TBC1D19: variants seen among roughly 807,000 people sequenced by gnomAD.
The protein encoded by TBC1D19 is TBC1 domain family, member 19.
A neutral mutation model predicts 89.0 loss-of-function variants in TBC1D19; 60 were observed. The observed-to-expected ratio is 0.67, with a 90% CI of 0.55 to 0.84. TBC1D19 has a LOEUF of 0.84. Among genes scored for constraint, TBC1D19 ranks in the 40% least tolerant of loss-of-function variants. The probability of loss-of-function intolerance (pLI) is 0.00; values close to 1 mark genes in which losing one functional copy is unlikely to be tolerated. For synonymous variants in TBC1D19, 189 were observed against 199.7 expected (o/e 0.95, Z 0.45); for missense variants, 500 against 610.8 (o/e 0.82, Z 1.91).
chr4:26,612,341 A>C (rs187328720), intron 1 of TBC1D19, among the ~76,000 whole-genome samples: 4 of 151,938 alleles, frequency 2.6e-5, no homozygotes, highest in Admixed American at 2.6e-4. Flanking sequence ...ATTGAGAATA[A>C]ATTTGAAGTT....
chr4:26,788,703 C>T, the TBC1D19 span, among the ~76,000 whole-genome samples: 3 of 152,144 alleles, frequency 2.0e-5, no homozygotes, highest in African/African-American at 7.2e-5. Context: ...CAAGAAGGAC[C>T]ACTTTGAAAA....
At chr4:26,577,282 C>T (rs909769961) in intron 1 of TBC1D19, among the ~76,000 whole-genome samples, 1 of 149,436 alleles carries the variant, frequency 6.7e-6, no homozygotes, top group Admixed American at 6.7e-5. Context: ...TCTTCTCTCT[C>T]GTGTGTGTGT....
At chr4:26,721,257 A>C (rs1452814562) in intron 15 of TBC1D19, among the ~76,000 whole-genome samples, 1 of 151,816 alleles carries the variant, frequency 6.6e-6, no homozygotes, top group African/African-American at 2.4e-5. Flanking sequence ...TCTTATGCCC[A>C]CCCCCAAAAG....
chr4:26,717,059 A>T (rs1716673266), intron 13 of TBC1D19, among the ~76,000 whole-genome samples: 1 of 152,092 alleles, frequency 6.6e-6, no homozygotes, highest in Non-Finnish European at 1.5e-5. Flanking sequence ...AGTGAACCTG[A>T]CTGATTCCCA....
intron 9 of TBC1D19, among the ~76,000 whole-genome samples, chr4:26,670,007 C>T (rs1250328390): frequency 6.6e-6 from 1 of 151,592 alleles, no homozygotes; most frequent in African/African-American, 2.4e-5. Flanking sequence ...TGAAAACTGT[C>T]TCCAGTGCCT....
chr4:26,857,679 G>T, the TBC1D19 span: 10 of 152,218 alleles, frequency 6.6e-5, no homozygotes, highest in African/African-American at 2.2e-4. Flanking sequence ...GCAGGAGGCA[G>T]CGGGCATGCG....
chr4:26,836,696 G>A, the TBC1D19 span, among the ~76,000 whole-genome samples: 9 of 152,234 alleles, frequency 5.9e-5, no homozygotes, highest in African/African-American at 2.2e-4. Flanking sequence ...AGCAGGGGTT[G>A]CAGGGAGGAG....
At chr4:26,839,014 T>G in the TBC1D19 span, among the ~76,000 whole-genome samples, 2 of 152,222 alleles carry the variant, frequency 1.3e-5, no homozygotes, top group African/African-American at 4.8e-5. Context: ...ATCATTTATT[T>G]TAAGATTCGT....
rs543389820 is a variant in TBC1D19, at chr4:26,677,644, C to G, written c.816+3756C>G. On this transcript the variant is annotated intron_variant, in intron 11 of 20. Transcript: ENST00000264866. ...GGTTTGGCTGTGTCCCCACCCAAATCTTGAATTGTACTTATAATTCCCATG... is the reference window on the plus strand; with the variant it reads ...GGTTTGGCTGTGTCCCCACCCAAATGTTGAATTGTACTTATAATTCCCATG... Among the ~76,000 whole-genome samples, 4 of 152,286 alleles carry G rather than the reference C, an allele frequency of 2.6e-5. No individual in the cohort carries two copies. The East Asian group carries it at 5.8e-4, about 22-fold the overall frequency.
the TBC1D19 span, among the ~76,000 whole-genome samples, chr4:26,840,798 C>T: frequency 3.3e-5 from 5 of 152,172 alleles, no homozygotes; most frequent in African/African-American, 7.2e-5. Context: ...GAGTGAAATA[C>T]GATGGGATAA....
intron 7 of TBC1D19, among the ~76,000 whole-genome samples, chr4:26,651,216 TGC>T: frequency 6.6e-6 from 1 of 152,210 alleles, no homozygotes; most frequent in Admixed American, 6.5e-5. Context: ...TTTGGTTCCA[TGC>T]AAACTTTATG....
At position 26,742,618 on chromosome 4, in the gene TBC1D19, T is replaced by A; in HGVS notation, c.1319+19T>A. ...CTCAACCGTGAGTACTTTTCTCTCC[T>A]AATTGAAGAATAGATAGTTTCACAG... On this transcript the variant is annotated intron_variant, in intron 18 of 20. Transcript: ENST00000264866. 1 of 1,593,438 alleles carries A rather than the reference T, an allele frequency of 6.3e-7. No individual in the cohort carries two copies. Among genetic ancestry groups the A allele is most frequent in the South Asian group, 1.1e-5 (1 of 89,266 alleles).
At chr4:26,788,918 A>G in the TBC1D19 span, among the ~76,000 whole-genome samples, 3 of 152,202 alleles carry the variant, frequency 2.0e-5, no homozygotes, top group Non-Finnish European at 2.9e-5. Flanking sequence ...TTGGCTGAAC[A>G]TTTCAGGGGA....
the TBC1D19 span, among the ~76,000 whole-genome samples, chr4:26,849,220 ACACAC>A: frequency 2.5e-3 from 376 of 152,080 alleles, no homozygotes; most frequent in Middle Eastern, 6.8e-3. Flanking sequence ...ACACACACAC[ACACAC>A]ACACACGGGC....
chr4:26,679,488 A>G (rs907471915), intron 11 of TBC1D19, among the ~76,000 whole-genome samples: 1 of 152,222 alleles, frequency 6.6e-6, no homozygotes, highest in African/African-American at 2.4e-5. Context: ...TCCAGGCAGA[A>G]GTGTGCTGCA....
Position 26,599,611 on chromosome 4 carries a change from C to T in TBC1D19, c.100-13558C>T, listed in dbSNP as rs1040576420. Among the ~76,000 whole-genome samples, 19 of 152,040 alleles carry T rather than the reference C, an allele frequency of 1.2e-4. No individual in the cohort carries two copies. The East Asian group carries it at 2.7e-3, about 22-fold the overall frequency. ...TTCTCTAGAAAAGGGCTATGTTTTT[C>T]GTTTTCTGAGTTACTTTATGAAGTC... is the stretch of plus-strand genomic sequence containing the variant. On this transcript the variant is annotated intron_variant, in intron 1 of 20. Coordinates refer to ENST00000264866, the MANE Select transcript of TBC1D19 (RefSeq NM_018317.4).
chr4:26,850,683 T>C, the TBC1D19 span, among the ~76,000 whole-genome samples: 14 of 152,116 alleles, frequency 9.2e-5, no homozygotes, highest in African/African-American at 3.4e-4. Flanking sequence ...TTGCTCACAG[T>C]CCTCAGAAGG....
chr4:26,592,880 G>A (rs1429285537), intron 1 of TBC1D19, among the ~76,000 whole-genome samples: 2 of 152,158 alleles, frequency 1.3e-5, no homozygotes, highest in Non-Finnish European at 2.9e-5. Context: ...TCATGGGTGG[G>A]AAGAATCAAT....
intron 15 of TBC1D19, among the ~76,000 whole-genome samples, chr4:26,724,742 C>T (rs1717199253): frequency 6.6e-6 from 1 of 152,160 alleles, no homozygotes. Flanking sequence ...TGCACAGAGC[C>T]TCAAAGGCAG....
Sources: gnomAD v4.1 joint callset for allele counts (sites outside exome capture counted in the v4.1 genomes callset) on GRCh38, gnomAD v4.1.1 for gene constraint, MANE v1.5 for transcripts, NCBI Gene and HGNC (gene_info 2026-07-23, HGNC 2026-07-21) for gene names.